RHEB: variants seen among roughly 807,000 people sequenced by gnomAD.
RHEB encodes the protein GTP-binding protein Rheb.
RHEB carries 2 observed loss-of-function variants against 28.8 expected under a neutral mutation model. The observed-to-expected ratio is 0.07, with a 90% CI of 0.03 to 0.22. The LOEUF is 0.22. RHEB is among the 10% of genes least tolerant of loss of function. The pLI, the probability that RHEB is intolerant of heterozygous loss-of-function variation, is 1.00. For missense variants in RHEB, 76 were observed against 219.9 expected (o/e 0.35, Z 4.14); for synonymous variants, 69 against 77.3 (o/e 0.89, Z 0.56).
chr7:151,476,821 C>G (rs1179877848), intron 4 of RHEB, among the ~76,000 whole-genome samples: 1 of 152,128 alleles, frequency 6.6e-6, no homozygotes, highest in Non-Finnish European at 1.5e-5. Context: ...CATGCCATCC[C>G]CCGATAAGAG....
chr7:151,478,500 G>T (rs1476294472), intron 3 of RHEB, among the ~76,000 whole-genome samples: 1 of 152,048 alleles, frequency 6.6e-6, no homozygotes, highest in Non-Finnish European at 1.5e-5. Context: ...GCTAGAGTAG[G>T]TTCAAAGTTA....
At chr7:151,485,455 A>T (rs1325825151) in intron 2 of RHEB, among the ~76,000 whole-genome samples, 1 of 152,236 alleles carries the variant, frequency 6.6e-6, no homozygotes, top group Admixed American at 6.5e-5. Flanking sequence ...TCAAACAAAT[A>T]TAGACAAAAG....
intron 1 of RHEB, chr7:151,503,126 G>GA: frequency 1.2e-6 from 1 of 806,492 alleles, no homozygotes; most frequent in Non-Finnish European, 2.3e-6. Flanking sequence ...AATGGTCTAT[G>GA]AAAATCTGGA....
intron 3 of RHEB, among the ~76,000 whole-genome samples, chr7:151,479,313 A>G (rs1442044227): frequency 6.6e-6 from 1 of 152,220 alleles, no homozygotes; most frequent in Non-Finnish European, 1.5e-5. Flanking sequence ...AACATATTCC[A>G]GAGGAAGCAA....
chr7:151,487,899 C>T (rs3753151), intron 2 of RHEB, among the ~76,000 whole-genome samples: 86,966 of 152,006 alleles, frequency 0.57, 25,104 homozygotes, highest in South Asian at 0.65. Context: ...TAGAGGTTTC[C>T]AAAATTTGGT....
chr7:151,493,955 A>G (rs1022786559), intron 1 of RHEB, among the ~76,000 whole-genome samples: 2 of 152,296 alleles, frequency 1.3e-5, no homozygotes, highest in South Asian at 4.1e-4. Flanking sequence ...AAATTTAATT[A>G]GAAAGAAAGA....
intron 7 of RHEB, 55 bp downstream of exon 7, chr7:151,470,516 C>T (rs1584845640): frequency 8.2e-7 from 1 of 1,218,012 alleles, no homozygotes; most frequent in African/African-American, 1.5e-5. Flanking sequence ...GCAAGGAACA[C>T]ATCCCTGCGA....
rs771939394 is a variant in RHEB, at chr7:151,472,441, C to T, written c.276-836G>A. Among the ~76,000 whole-genome samples the T allele has an allele frequency of 1.6e-4, 25 of 152,156 alleles. No homozygotes were observed. Among genetic ancestry groups the T allele is most frequent in the Non-Finnish European group, 2.8e-4 (19 of 68,034 alleles). Reference sequence around the variant, plus strand: ...CCTCTGATGGGTGGCCATCTTTACTCGGCCCCAGTGACTCTCAAGCCGCAA... The same window carrying T: ...CCTCTGATGGGTGGCCATCTTTACTTGGCCCCAGTGACTCTCAAGCCGCAA... On this transcript the variant is annotated intron_variant, in intron 4 of 7. Coordinates refer to ENST00000262187, the MANE Select transcript of RHEB (RefSeq NM_005614.4). The surrounding 1 kb of genome is among the most constrained non-coding windows in gnomAD (Gnocchi z 5.2).
chr7:151,476,171 T>C (rs1172442506), intron 4 of RHEB, among the ~76,000 whole-genome samples: 2 of 152,184 alleles, frequency 1.3e-5, no homozygotes, highest in Non-Finnish European at 2.9e-5. Context: ...CTCAACACCC[T>C]AAAGTATGTT....
rs536562970 is a variant in RHEB at position 151,518,012 on chromosome 7, G to GCCCAGGCTGGGATCCAGC, written c.52+1447_52+1448insGCTGGATCCCAGCCTGGG. On this transcript the variant is annotated intron_variant, in intron 1 of 7. Coordinates refer to ENST00000262187, the MANE Select transcript of RHEB (RefSeq NM_005614.4). ...GCATGGATTCAGGCTGCCAATAAAG[G>GCCCAGGCTGGGATCCAGC]CTGGATCCCAGGTTCCATGTTGATA... 234 of 152,334 alleles carry GCCCAGGCTGGGATCCAGC rather than the reference G, an allele frequency of 1.5e-3. 1 individual carries two copies. The highest frequency in any genetic ancestry group is 5.2e-3 in the African/African-American group (218 of 41,558). 9.4% of individuals were successfully genotyped at this position (152,334 alleles called of 1,614,324 possible).
chr7:151,505,209 T>C (rs1223381113), intron 1 of RHEB, among the ~76,000 whole-genome samples: 1 of 149,468 alleles, frequency 6.7e-6, no homozygotes. Flanking sequence ...TTCATCAAAC[T>C]TACAAACTTC....
intron 2 of RHEB, among the ~76,000 whole-genome samples, chr7:151,487,889 T>C (rs1802510543): frequency 6.6e-6 from 1 of 152,188 alleles, no homozygotes; most frequent in South Asian, 2.1e-4. Flanking sequence ...ACCACGGTCA[T>C]AGAGGTTTCC....
intron 1 of RHEB, among the ~76,000 whole-genome samples, chr7:151,509,939 T>C (rs1802953590): frequency 6.6e-6 from 1 of 152,308 alleles, no homozygotes; most frequent in East Asian, 1.9e-4. Context: ...CCTGCAAAGC[T>C]TGAGATATTT....
At position 151,493,904 on chromosome 7, in the gene RHEB, C is replaced by A. The variant is rs578183409; in HGVS notation, c.53-2890G>T. Among the ~76,000 whole-genome samples, 310 of 151,218 alleles carry A rather than the reference C, an allele frequency of 2.1e-3. 1 individual carries two copies. The highest frequency in any genetic ancestry group is 7.2e-3 in the African/African-American group (297 of 41,256). On this transcript the variant is annotated intron_variant, in intron 1 of 7. Transcript: ENST00000262187. ...AAAATTAGAAGGAGTAAAAAAAAAA[C>A]AAACTGTTATTTACACTGAATGCTA... is the stretch of plus-strand genomic sequence containing the variant.
intron 3 of RHEB, among the ~76,000 whole-genome samples, chr7:151,479,069 G>T (rs1802325983): frequency 6.6e-6 from 1 of 152,136 alleles, no homozygotes; most frequent in Non-Finnish European, 1.5e-5. Context: ...TAGCAATTGG[G>T]AGGGCAGCTG....
intron 2 of RHEB, among the ~76,000 whole-genome samples, chr7:151,487,024 G>A (rs1455748533): frequency 6.6e-6 from 1 of 152,192 alleles, no homozygotes; most frequent in African/African-American, 2.4e-5. Context: ...AAATAAAAAA[G>A]CCCAGGATGT....
intron 2 of RHEB, among the ~76,000 whole-genome samples, chr7:151,485,823 T>C (rs1802463536): frequency 6.6e-6 from 1 of 152,118 alleles, no homozygotes; most frequent in South Asian, 2.1e-4. Context: ...CAGAGAACCA[T>C]ATTAGCGTCA....
intron 2 of RHEB, among the ~76,000 whole-genome samples, chr7:151,486,377 G>A (rs935809236): frequency 2.6e-5 from 4 of 152,138 alleles, no homozygotes; most frequent in Admixed American, 6.5e-5. Flanking sequence ...ACTGTTGTGG[G>A]TGCTTGGGAT....
chr7:151,508,770 G>A (rs967953007), intron 1 of RHEB, among the ~76,000 whole-genome samples: 1 of 151,834 alleles, frequency 6.6e-6, no homozygotes, highest in African/African-American at 2.4e-5. Context: ...GATTCTAGGC[G>A]TGAGCCACTG....
Sources: gnomAD v4.1 joint callset for allele counts (sites outside exome capture counted in the v4.1 genomes callset) on GRCh38, gnomAD v4.1.1 for gene constraint, Gnocchi (gnomAD v3.1) non-coding constraint, MANE v1.5 for transcripts, NCBI Gene and HGNC (gene_info 2026-07-23, HGNC 2026-07-21) for gene names.